MAN2A2: variants seen among roughly 807,000 people sequenced by gnomAD.
MAN2A2 encodes mannosidase alpha class 2A member 2.
Under a neutral mutation model 126.8 loss-of-function variants are expected in MAN2A2, and 79 were observed. The observed-to-expected ratio is 0.62, with a 90% CI of 0.52 to 0.75. MAN2A2 has a LOEUF of 0.75. Ranked by LOEUF, MAN2A2 falls within the 30% of genes least tolerant of loss-of-function variation. MAN2A2 has a pLI of 0.00. For synonymous variants in MAN2A2, 671 were observed against 618.7 expected (o/e 1.08, Z -1.25); for missense variants, 1,392 against 1,522.4 (o/e 0.91, Z 1.43).
intron 2 of MAN2A2, among the ~76,000 whole-genome samples, chr15:90,904,934 C>T (rs1319348832): frequency 6.6e-6 from 1 of 152,172 alleles, no homozygotes; most frequent in Admixed American, 6.5e-5. Flanking sequence ...TTGATTGCAG[C>T]ATTCTTTGCC....
chr15:90,905,385 G>A lies in MAN2A2; in HGVS notation c.267G>A (p.Leu89=). 6.2e-7 allele frequency: 1 copy of A among 1,613,954 alleles called. No individual in the cohort carries two copies. The highest frequency in any genetic ancestry group is 8.5e-7 in the Non-Finnish European group (1 of 1,180,046). ...ACGCAGAGGGCCCGCCCGCCATGCTGCCCTACTACACGGTCAATGGCTCCT... is the reference window on the plus strand; with the variant it reads ...ACGCAGAGGGCCCGCCCGCCATGCTACCCTACTACACGGTCAATGGCTCCT... ...TANAEGPPAM[L]PYYTVNGSWV... is the part of the protein sequence containing the mutation. The change falls in exon 3 of 23, where the codon CTG becomes CTA. Residue 89 remains leucine, a synonymous_variant. Transcript: ENST00000559717.
At position 90,919,833 on chromosome 15, in the gene MAN2A2, C is replaced by G. The variant is rs1479118099; in HGVS notation, c.*46C>G. On this transcript the variant is annotated 3_prime_UTR_variant, in exon 23 of 23. Coordinates refer to ENST00000559717, the MANE Select transcript of MAN2A2 (RefSeq NM_006122.4). ...GAAAGTTCATTCACAGAGACTGCCT[C>G]TTAACATGAAGATCATTGGACAAGC... is the stretch of plus-strand genomic sequence containing the variant. The G allele has an allele frequency of 1.9e-6, 3 of 1,607,328 alleles. 1 individual carries two copies. Among genetic ancestry groups the G allele is most frequent in the East Asian group, 4.5e-5 (2 of 44,828 alleles).
At chr15:90,910,337 C>G (rs755330606) in intron 10 of MAN2A2, 45 bp downstream of exon 10, 1 of 1,607,936 alleles carries the variant, frequency 6.2e-7, no homozygotes, top group South Asian at 1.1e-5. Context: ...GAGAGTCAGC[C>G]TTTGGGGTTT....
intron 14 of MAN2A2, 106 bp downstream of exon 14, chr15:90,911,656 TC>T: frequency 7.7e-7 from 1 of 1,292,900 alleles, no homozygotes; most frequent in Non-Finnish European, 1.0e-6. Context: ...CCTGCTACTC[TC>T]CAGGCTGAGG....
At chr15:90,903,218 ACT>A (rs1232450648), upstream of MAN2A2, 12 of 152,172 alleles carry the variant, frequency 7.9e-5, no homozygotes, top group African/African-American at 2.4e-4. Context: ...CTGTGATCCA[ACT>A]CTCTCCCCAG....
At chr15:90,909,582 C>G in intron 9 of MAN2A2, 78 bp downstream of exon 9, 1 of 1,422,192 alleles carries the variant, frequency 7.0e-7, no homozygotes, top group South Asian at 1.4e-5. Flanking sequence ...GCCCTGGGTT[C>G]CCAACTCGGG....
chr15:90,912,778 G>T (rs376124844), intron 16 of MAN2A2, 99 bp from the exon 17 acceptor site: 8 of 1,562,272 alleles, frequency 5.1e-6, no homozygotes, highest in African/African-American at 1.4e-5. Context: ...CAGCCCAGGG[G>T]TGTCTGGGAA....
chr15:90,918,552 C>CT, intron 21 of MAN2A2, 93 bp from the exon 22 acceptor site: 1 of 1,208,440 alleles, frequency 8.3e-7, no homozygotes, highest in South Asian at 1.3e-5. Flanking sequence ...ACACGCCTCC[C>CT]TGTGCCAGCA....
Position 90,905,927 on chromosome 15 carries a change from C to T in MAN2A2, c.618C>T (p.Asp206=), listed in dbSNP as rs1351453349. The T allele has an allele frequency of 3.1e-6, 5 of 1,612,342 alleles. No individual in the cohort carries two copies. Among genetic ancestry groups the T allele is most frequent in the Non-Finnish European group, 4.2e-6 (5 of 1,179,218 alleles). The change falls in exon 5 of 23, where the codon GAC becomes GAT. Residue 206 remains aspartate (D), a synonymous_variant. Transcript: ENST00000559717. ...GCATGGTGTCTAAGCTGCAGGAGGA[C>T]CCCCGGCGGCGCTTCCTCTGGGCAG... ...LNSMVSKLQE[D]PRRRFLWAEV... is the part of the protein sequence containing the mutation.
chr15:90,904,464 C>T (rs1450599975), intron 2 of MAN2A2, 125 bp downstream of exon 2: 2 of 1,068,406 alleles, frequency 1.9e-6, no homozygotes, highest in East Asian at 2.6e-5. Context: ...AGGACAGGAG[C>T]CTTCCTTCCC....
chr15:90,912,747 A>T, intron 16 of MAN2A2, 83 bp downstream of exon 16: 1 of 1,594,414 alleles, frequency 6.3e-7, no homozygotes, highest in South Asian at 1.1e-5. Flanking sequence ...GCTGCCTGCC[A>T]GGGGCCTTGT....
At chr15:90,911,109 AGGT>A in intron 12 of MAN2A2, 59 bp from the exon 13 acceptor site, 2 of 1,569,396 alleles carry the variant, frequency 1.3e-6, no homozygotes, top group Non-Finnish European at 1.8e-6. Context: ...CACCTGGGAC[AGGT>A]GGGGTGGGAG....
In MAN2A2 at chr15:90,916,119, C is replaced by G. The variant is rs767542636; in HGVS notation, c.2861-4C>G. The G allele has an allele frequency of 2.7e-5, 43 of 1,613,662 alleles. No homozygotes were observed. The highest frequency in any genetic ancestry group is 3.2e-5 in the Non-Finnish European group (38 of 1,179,858). ...GGGCCAGCACTCACTGTTTGCTTCC[C>G]CAGGCCAGCTGGAGGTGATCTTGGA... On this transcript the variant is annotated splice_polypyrimidine_tract_variant and splice_region_variant and intron_variant, in intron 19 of 22. Transcript: ENST00000559717.
intron 8 of MAN2A2, among the ~76,000 whole-genome samples, chr15:90,908,245 G>A (rs560760508): frequency 1.4e-4 from 21 of 152,194 alleles, no homozygotes; most frequent in Non-Finnish European, 3.1e-4. Flanking sequence ...GCCCTGAAAG[G>A]TAACCATTTT....
intron 8 of MAN2A2, 140 bp downstream of exon 8, chr15:90,907,635 T>C (rs997628477): frequency 1.5e-5 from 11 of 753,632 alleles, no homozygotes; most frequent in Non-Finnish European, 2.3e-5. Context: ...CTAAGTCTCC[T>C]GAAAAACTGG....
intron 20 of MAN2A2, chr15:90,916,808 T>G: frequency 1.9e-6 from 1 of 530,514 alleles, no homozygotes; most frequent in South Asian, 1.7e-5. Context: ...GGGACATAAG[T>G]GCAGACAGTG....
In MAN2A2 at chr15:90,907,659, A is replaced by G. The variant is rs1305303702; in HGVS notation, c.1196+164A>G. On this transcript the variant is annotated intron_variant, in intron 8 of 22. Coordinates refer to ENST00000559717, the MANE Select transcript of MAN2A2 (RefSeq NM_006122.4). ...CTGAAAAACTGGAATGGCTCTTGCA[A>G]CCACCTTTCACAGAATGCTTTTAGG... 3.5e-5 allele frequency: 22 copies of G among 636,744 alleles called. No individual in the cohort carries two copies. In the East Asian group the frequency reaches 5.0e-4, roughly 14 times the overall value. The allele number at this position is 636,744 out of a possible 1,614,324, so 39.4% of individuals were successfully genotyped here.
chr15:90,903,233 C>T (rs1415092672), upstream of MAN2A2: 1 of 152,408 alleles, frequency 6.6e-6, no homozygotes, highest in Non-Finnish European at 1.5e-5. Flanking sequence ...CTCCCCAGCT[C>T]CACCCACATT....
Position 90,905,408 on chromosome 15 carries a change from CCTG to C in MAN2A2, c.291_293del (p.Trp98del), listed in dbSNP as rs1261356604. On this transcript the variant is annotated inframe_deletion, in exon 3 of 23. Transcript: ENST00000559717. ...CTGCCCTACTACACGGTCAATGGCT[CCTG>C]GGTGGTGCCACCGGAGCCCCGGCCC... The C allele has an allele frequency of 1.2e-6, 2 of 1,613,734 alleles. No individual in the cohort carries two copies. The highest frequency in any genetic ancestry group is 1.7e-6 in the Non-Finnish European group (2 of 1,180,050).
Sources: gnomAD v4.1 joint callset for allele counts (sites outside exome capture counted in the v4.1 genomes callset) on GRCh38, gnomAD v4.1.1 for gene constraint, MANE v1.5 for transcripts, NCBI Gene and HGNC (gene_info 2026-07-23, HGNC 2026-07-21) for gene names.